The following CDH18 variants were observed in gnomAD, a reference collection of about 807,000 sequenced individuals.
CDH18 encodes the protein cadherin-18.
CDH18 carries 31 observed loss-of-function variants against 67.9 expected under a neutral mutation model. The ratio of observed to expected loss-of-function variants is 0.46; its 90% CI spans 0.34 to 0.62. The LOEUF is 0.62. Among genes scored for constraint, CDH18 ranks in the 20% least tolerant of loss-of-function variants. CDH18 has a pLI of 0.01. For synonymous variants in CDH18, 362 were observed against 347.2 expected (o/e 1.04, Z -0.48); for missense variants, 890 against 975.5 (o/e 0.91, Z 1.17).
At chr5:19,489,098 T>C (rs1380116154) in intron 11 of CDH18, among the ~76,000 whole-genome samples, 2 of 152,130 alleles carry the variant, frequency 1.3e-5, no homozygotes. Flanking sequence ...ATTGTCTATT[T>C]CTGCTTTGGA....
intron 2 of CDH18, among the ~76,000 whole-genome samples, chr5:20,166,904 A>T (rs2892440): frequency 0.58 from 88,638 of 152,034 alleles, 25,907 homozygotes; most frequent in Middle Eastern, 0.69. Flanking sequence ...CTTCAGGAGA[A>T]GAAATGTTTT....
chr5:19,683,929 G>A (rs139198967), intron 5 of CDH18, among the ~76,000 whole-genome samples: 1 of 152,240 alleles, frequency 6.6e-6, no homozygotes, highest in Non-Finnish European at 1.5e-5. Context: ...TTGAATGCCT[G>A]TAGGTCAACT....
At chr5:20,198,675 C>G (rs1394170197) in intron 2 of CDH18, among the ~76,000 whole-genome samples, 1 of 152,162 alleles carries the variant, frequency 6.6e-6, no homozygotes, top group Non-Finnish European at 1.5e-5. Flanking sequence ...ATCACCAAGA[C>G]TATGGGAAAA....
rs1755156237 is a variant in CDH18 at position 19,648,746 on chromosome 5, A to T, written c.644-36145T>A. Among the ~76,000 whole-genome samples, 4 of 152,074 alleles carry T rather than the reference A, an allele frequency of 2.6e-5. No individual in the cohort carries two copies. In the South Asian group the frequency reaches 8.3e-4, roughly 31 times the overall value. ...AAAAGCTTAGCTTCGAACCAATATT[A>T]TAATACTTTTATTTTTATGACCCCA... On this transcript the variant is annotated intron_variant, in intron 5 of 12. Transcript: ENST00000382275.
At chr5:20,399,549 A>G (rs1197320326) in intron 1 of CDH18, among the ~76,000 whole-genome samples, 3 of 152,222 alleles carry the variant, frequency 2.0e-5, no homozygotes, top group African/African-American at 7.2e-5. Flanking sequence ...ATTACTTAAC[A>G]CAGTCACTGA....
chr5:20,291,797 CA>C (rs1048574726), intron 1 of CDH18, among the ~76,000 whole-genome samples: 1 of 152,074 alleles, frequency 6.6e-6, no homozygotes, highest in African/African-American at 2.4e-5. Flanking sequence ...AGAGTAGGTC[CA>C]AAGCAATTTT....
intron 2 of CDH18, among the ~76,000 whole-genome samples, chr5:19,892,533 A>T (rs1221454082): frequency 6.6e-6 from 1 of 152,054 alleles, no homozygotes; most frequent in Non-Finnish European, 1.5e-5. Context: ...CCTCATGTGC[A>T]TTTCCTCCTG....
At chr5:20,282,702 C>G (rs950595187) in intron 1 of CDH18, among the ~76,000 whole-genome samples, 1 of 152,008 alleles carries the variant, frequency 6.6e-6, no homozygotes, top group Non-Finnish European at 1.5e-5. Context: ...CTCTGCCAGG[C>G]TTTGGTATCA....
At chr5:20,199,725 G>A (rs1739293871) in intron 2 of CDH18, among the ~76,000 whole-genome samples, 1 of 152,102 alleles carries the variant, frequency 6.6e-6, no homozygotes. Flanking sequence ...ATCTTGAATT[G>A]TAATCTCCAT....
chr5:20,078,733 G>A (rs1458899697), intron 2 of CDH18, among the ~76,000 whole-genome samples: 1 of 151,840 alleles, frequency 6.6e-6, no homozygotes, highest in Non-Finnish European at 1.5e-5. Context: ...CTCTCAAGTA[G>A]CTGGGACTAC....
intron 7 of CDH18, among the ~76,000 whole-genome samples, chr5:19,582,547 C>T (rs1268979858): frequency 2.0e-5 from 3 of 152,064 alleles, no homozygotes; most frequent in Admixed American, 2.0e-4. Context: ...ACTTGGAATT[C>T]CTCTATCAGC....
At chr5:19,725,558 T>C (rs577174243) in intron 4 of CDH18, among the ~76,000 whole-genome samples, 111 of 151,962 alleles carry the variant, frequency 7.3e-4, no homozygotes, top group African/African-American at 2.6e-3. Context: ...TCACCTGAGG[T>C]TGGTGATTTG....
rs571533907 is a variant in CDH18, at chr5:20,221,007, T to C, written c.-518+34437A>G. Among the ~76,000 whole-genome samples the C allele has an allele frequency of 7.9e-5, 12 of 152,118 alleles. No homozygotes were observed. In the East Asian group the frequency reaches 2.3e-3, roughly 29 times the overall value. On this transcript the variant is annotated intron_variant, in intron 2 of 14. Coordinates refer to the CDH18 transcript ENST00000507958. ...GAGGATGCAGAGAAAAGGGACCCCT[T>C]GTACACCGTTGGTGGGTGTGTAAAT...
intron 2 of CDH18, among the ~76,000 whole-genome samples, chr5:20,041,056 G>A (rs796267389): frequency 3.9e-5 from 6 of 152,260 alleles, no homozygotes; most frequent in African/African-American, 1.4e-4. Flanking sequence ...GAGGTATGGA[G>A]AAGTTAAATA....
chr5:19,781,305 T>C (rs769791765), intron 3 of CDH18, among the ~76,000 whole-genome samples: 14 of 151,800 alleles, frequency 9.2e-5, no homozygotes, highest in Non-Finnish European at 1.6e-4. Flanking sequence ...AATTCCTGTA[T>C]GAAATAAAAT....
chr5:19,915,597 A>C (rs1561551986), intron 2 of CDH18, among the ~76,000 whole-genome samples: 1 of 152,172 alleles, frequency 6.6e-6, no homozygotes. Context: ...CAATAAAGTA[A>C]GCTATTGAAA....
chr5:19,519,603 T>A (rs1746571858), intron 10 of CDH18, among the ~76,000 whole-genome samples: 1 of 152,138 alleles, frequency 6.6e-6, no homozygotes, highest in Non-Finnish European at 1.5e-5. Flanking sequence ...TGTGTCTTGG[T>A]TCTGAAAACA....
chr5:19,767,618 G>T (rs919669859), intron 3 of CDH18, among the ~76,000 whole-genome samples: 1 of 151,752 alleles, frequency 6.6e-6, no homozygotes, highest in Non-Finnish European at 1.5e-5. Context: ...AAAGCAGAAA[G>T]AAACATTAGA....
chr5:20,133,253 C>T (rs1749419660), intron 2 of CDH18, among the ~76,000 whole-genome samples: 1 of 152,182 alleles, frequency 6.6e-6, no homozygotes, highest in African/African-American at 2.4e-5. Flanking sequence ...AATGGATGCA[C>T]AGTTCCACAT....
Sources: allele counts gnomAD v4.1 joint callset (sites outside exome capture counted in the v4.1 genomes callset), GRCh38; gene constraint gnomAD v4.1.1; transcripts MANE v1.5; gene names NCBI Gene and HGNC (gene_info 2026-07-23, HGNC 2026-07-21).